Variants in ZSWIM6 observed in about 807,000 individuals in gnomAD.
ZSWIM6 encodes the protein zinc finger SWIM-type containing 6.
Under a neutral mutation model 113.2 loss-of-function variants are expected in ZSWIM6, and 9 were observed. The ratio of observed to expected loss-of-function variants is 0.08; its 90% CI spans 0.05 to 0.14. ZSWIM6 has a LOEUF of 0.14. Among genes scored for constraint, ZSWIM6 ranks in the 10% least tolerant of loss-of-function variants. The pLI, the probability that ZSWIM6 is intolerant of heterozygous loss-of-function variation, is 1.00. For missense variants in ZSWIM6, 1,162 were observed against 1,552.2 expected (o/e 0.75, Z 4.22); for synonymous variants, 611 against 606.5 (o/e 1.01, Z -0.11).
intron 2 of ZSWIM6, among the ~76,000 whole-genome samples, chr5:61,485,730 T>C (rs1315545576): frequency 6.6e-6 from 1 of 152,180 alleles, no homozygotes; most frequent in African/African-American, 2.4e-5. Flanking sequence ...ACCATCAGAA[T>C]AGCATTATGT....
chr5:61,491,023 A>T lies in ZSWIM6; in HGVS notation c.1182+89A>T, dbSNP rs1748162334. On this transcript the variant is annotated intron_variant, in intron 3 of 13. Transcript: ENST00000252744. ...TGATCATGTCTACAATAGGATAAAG[A>T]CTTTTAAAAATTAAAGAACAGGGTC... is the stretch of plus-strand genomic sequence containing the variant. 1.2e-5 allele frequency: 15 copies of T among 1,270,788 alleles called. No homozygotes were observed. The South Asian group carries it at 2.5e-4, about 21-fold the overall frequency. 78.7% of individuals were successfully genotyped at this position (1,270,788 alleles called of 1,614,324 possible). A position where few individuals can be genotyped will look rare whatever the true frequency, so the allele number is the denominator to read the frequency against.
intron 1 of ZSWIM6, among the ~76,000 whole-genome samples, chr5:61,432,741 C>T (rs891405459): frequency 6.6e-6 from 1 of 152,108 alleles, no homozygotes; most frequent in Non-Finnish European, 1.5e-5. Context: ...AGTGATCGTT[C>T]TTTTCTTGGT....
Position 61,531,505 on chromosome 5 carries a change from A to C in ZSWIM6, c.2025A>C (p.Leu675=), listed in dbSNP as rs1365286563. 1.3e-5 allele frequency: 20 copies of C among 1,551,564 alleles called. No homozygotes were observed. Among genetic ancestry groups the C allele is most frequent in the Admixed American group, 3.9e-5 (2 of 50,978 alleles). The change falls in exon 9 of 14, where the codon CTA becomes CTC. Residue 675 remains leucine (L), a synonymous_variant. Coordinates refer to ENST00000252744, the MANE Select transcript of ZSWIM6 (RefSeq NM_020928.2). ...GQCKSLEYQH[L]PAHKFLEEGE... ...GCAAGTCTCTGGAATACCAGCATCTACCTGCACACAAATTCTTAGAAGAAG... is the reference window on the plus strand; with the variant it reads ...GCAAGTCTCTGGAATACCAGCATCTCCCTGCACACAAATTCTTAGAAGAAG...
Position 61,446,034 on chromosome 5 carries a change from G to A in ZSWIM6, c.677-26647G>A, listed in dbSNP as rs544799046. ...AATAGCAAACGTAGTATGAAACAAA[G>A]CAATGCAAACATTTATCACATTTAC... On this transcript the variant is annotated intron_variant, in intron 1 of 13. Coordinates refer to ENST00000252744, the MANE Select transcript of ZSWIM6 (RefSeq NM_020928.2). Among the ~76,000 whole-genome samples the A allele has an allele frequency of 2.6e-5, 4 of 152,250 alleles. No individual in the cohort carries two copies. In the South Asian group the frequency reaches 8.3e-4, roughly 32 times the overall value.
intron 2 of ZSWIM6, among the ~76,000 whole-genome samples, chr5:61,480,420 G>C (rs946864275): frequency 1.3e-5 from 2 of 152,186 alleles, no homozygotes; most frequent in African/African-American, 4.8e-5. Context: ...TGTTGGGGGA[G>C]CAGAACCCGG....
chr5:61,375,252 A>G, intron 1 of ZSWIM6: 1 of 1,612,826 alleles, frequency 6.2e-7, no homozygotes, highest in Non-Finnish European at 8.5e-7. Context: ...TAAAAGAGCA[A>G]CTAGAAAAGG....
intron 1 of ZSWIM6, among the ~76,000 whole-genome samples, chr5:61,439,992 A>G (rs144127496): frequency 3.7e-4 from 56 of 152,248 alleles, no homozygotes; most frequent in African/African-American, 1.3e-3. Context: ...GAAATGCCAA[A>G]TCATGACTTA....
intron 1 of ZSWIM6, among the ~76,000 whole-genome samples, chr5:61,399,822 A>G (rs1335638501): frequency 1.3e-5 from 2 of 152,224 alleles, no homozygotes. Context: ...GAGTGAAAAG[A>G]TTGGAACAGA....
intron 4 of ZSWIM6, among the ~76,000 whole-genome samples, chr5:61,517,250 C>A (rs1028304800): frequency 6.6e-6 from 1 of 152,008 alleles, no homozygotes; most frequent in South Asian, 2.1e-4. Context: ...TTTTGGGAAT[C>A]GAAAGACATA....
chr5:61,533,322 T>G (rs1163700024), intron 9 of ZSWIM6, among the ~76,000 whole-genome samples: 1 of 152,236 alleles, frequency 6.6e-6, no homozygotes, highest in African/African-American at 2.4e-5. Context: ...CACCAAGTTC[T>G]TCGTGCAGTT....
At chr5:61,355,452 AC>A (rs1744882076) in intron 1 of ZSWIM6, among the ~76,000 whole-genome samples, 1 of 95,960 alleles carries the variant, frequency 1.0e-5, no homozygotes, top group South Asian at 3.3e-4. Context: ...ACACACACAC[AC>A]ACACACACAC....
intron 1 of ZSWIM6, among the ~76,000 whole-genome samples, chr5:61,356,278 T>A (rs1444037001): frequency 1.3e-5 from 2 of 152,336 alleles, no homozygotes; most frequent in African/African-American, 4.8e-5. Flanking sequence ...ACACTTTTTT[T>A]AAGTTGCCCT....
Position 61,332,869 on chromosome 5 carries a change from C to A in ZSWIM6, c.597C>A (p.Gly199=). 1.6e-6 allele frequency: 2 copies of A among 1,256,990 alleles called. No individual in the cohort carries two copies. The highest frequency in any genetic ancestry group is 1.6e-5 in the African/African-American group (1 of 64,106). 77.9% of individuals were successfully genotyped at this position (1,256,990 alleles called of 1,614,324 possible). A position where few individuals can be genotyped will look rare whatever the true frequency, so the allele number is the denominator to read the frequency against. Residue 199 remains glycine (G), a synonymous_variant, in exon 1 of 14, where the codon GGC becomes GGA. Coordinates refer to ENST00000252744, the MANE Select transcript of ZSWIM6 (RefSeq NM_020928.2). Reference sequence around the variant, plus strand: ...TGGGGGCTGCCGGGGCGGCGGACGGCGGCGACGAGACGCGGCTGCCTTTCC... The same window carrying A: ...TGGGGGCTGCCGGGGCGGCGGACGGAGGCGACGAGACGCGGCTGCCTTTCC... The part of the protein sequence containing the change: ...PSVGAAGAAD[G]GDETRLPFRR...
intron 1 of ZSWIM6, among the ~76,000 whole-genome samples, chr5:61,376,372 C>G (rs1274652574): frequency 6.6e-6 from 1 of 151,578 alleles, no homozygotes; most frequent in Non-Finnish European, 1.5e-5. Context: ...ATCTCTTTAG[C>G]TAGCAGAATA....
intron 4 of ZSWIM6, among the ~76,000 whole-genome samples, chr5:61,505,181 T>C (rs1748569621): frequency 6.6e-6 from 1 of 152,198 alleles, no homozygotes; most frequent in Non-Finnish European, 1.5e-5. Context: ...CTTAACTGGC[T>C]TAGTTGAGCA....
At chr5:61,460,567 T>C (rs1747302425) in intron 1 of ZSWIM6, among the ~76,000 whole-genome samples, 1 of 152,178 alleles carries the variant, frequency 6.6e-6, no homozygotes, top group African/African-American at 2.4e-5. Context: ...ATTTACATTG[T>C]ATTAGATATT....
At chr5:61,414,075 GA>G (rs1746196758) in intron 1 of ZSWIM6, among the ~76,000 whole-genome samples, 1 of 152,092 alleles carries the variant, frequency 6.6e-6, no homozygotes, top group African/African-American at 2.4e-5. Context: ...ATCATCCTGT[GA>G]GGTAATTCCA....
intron 1 of ZSWIM6, among the ~76,000 whole-genome samples, chr5:61,456,322 A>C (rs1351941298): frequency 1.3e-5 from 2 of 152,192 alleles, no homozygotes; most frequent in African/African-American, 4.8e-5. Context: ...ATAATATTTT[A>C]AGGCTAATAC....
At chr5:61,446,565 T>C (rs1746957350) in intron 1 of ZSWIM6, among the ~76,000 whole-genome samples, 1 of 152,198 alleles carries the variant, frequency 6.6e-6, no homozygotes, top group Admixed American at 6.5e-5. Flanking sequence ...TTTATAACCT[T>C]CTGTGCCAAA....
Sources: allele counts gnomAD v4.1 joint callset (sites outside exome capture counted in the v4.1 genomes callset), GRCh38; gene constraint gnomAD v4.1.1; transcripts MANE v1.5; gene names NCBI Gene and HGNC (gene_info 2026-07-23, HGNC 2026-07-21).